The following CEP192 variants were observed in gnomAD, a reference collection of about 807,000 sequenced individuals.
CEP192 encodes centrosomal protein of 192 kDa.
Under a neutral mutation model 271.8 loss-of-function variants are expected in CEP192, and 151 were observed. The ratio of observed to expected loss-of-function variants is 0.56; its 90% CI spans 0.49 to 0.64. CEP192 has a LOEUF of 0.64. Among genes scored for constraint, CEP192 ranks in the 30% least tolerant of loss-of-function variants. The pLI, the probability that CEP192 is intolerant of heterozygous loss-of-function variation, is 0.00. For synonymous variants in CEP192, 995 were observed against 1,076.5 expected, an observed-to-expected ratio of 0.92 and a Z score of 1.48; for missense variants, 2,910 against 3,020.5, an observed-to-expected ratio of 0.96 and a Z score of 0.86.
intron 21 of CEP192, among the ~76,000 whole-genome samples, chr18:13,060,573 G>C (rs2037354886): frequency 6.6e-6 from 1 of 152,150 alleles, no homozygotes; most frequent in African/African-American, 2.4e-5. Context: ...TCACTGTCCT[G>C]TATACAGTCC....
At chr18:13,021,216 G>A (rs890292369) in intron 9 of CEP192, among the ~76,000 whole-genome samples, 19 of 152,130 alleles carry the variant, frequency 1.2e-4, no homozygotes, top group Non-Finnish European at 2.6e-4. Context: ...TTGTTAATCT[G>A]TGACTTTGTG....
At chr18:13,017,158 T>G (rs1327754122) in intron 6 of CEP192, 30 bp from the exon 7 acceptor site, 9 of 1,515,740 alleles carry the variant, frequency 5.9e-6, no homozygotes, top group African/African-American at 1.4e-5. Context: ...CTTTAAAGCA[T>G]GTCCTGTTTT....
At chr18:13,058,245 A>G (rs1158348257) in intron 20 of CEP192, 1 of 152,344 alleles carries the variant, frequency 6.6e-6, no homozygotes, top group African/African-American at 2.4e-5. Context: ...TACATGATCA[A>G]TTACAGTTGC....
At chr18:13,113,818 T>G in intron 41 of CEP192, 113 bp downstream of exon 41, 1 of 1,021,048 alleles carries the variant, frequency 9.8e-7, no homozygotes. Flanking sequence ...TAATCTTAAT[T>G]TTCTTGTTTG....
chr18:13,067,770 A>T (rs1322608567), intron 21 of CEP192, 61 bp from the exon 22 acceptor site: 2 of 1,422,864 alleles, frequency 1.4e-6, no homozygotes, highest in Admixed American at 3.6e-5. Context: ...TGATATGAAC[A>T]TACATGTTGT....
intron 21 of CEP192, among the ~76,000 whole-genome samples, chr18:13,065,700 G>T (rs2037659771): frequency 6.6e-6 from 1 of 152,096 alleles, no homozygotes; most frequent in African/African-American, 2.4e-5. Context: ...TGCACTCTTT[G>T]GACAGAGTTC....
chr18:13,016,950 A>G (rs763397109), intron 6 of CEP192, among the ~76,000 whole-genome samples: 3 of 152,186 alleles, frequency 2.0e-5, no homozygotes, highest in Non-Finnish European at 4.4e-5. Flanking sequence ...TTTTGATAAC[A>G]TGCCAGGGTC....
intron 30 of CEP192, among the ~76,000 whole-genome samples, chr18:13,085,998 A>G (rs571252962): frequency 1.3e-5 from 2 of 151,890 alleles, no homozygotes; most frequent in African/African-American, 4.8e-5. Flanking sequence ...CAGTATGGCC[A>G]TTTTCTCGAT....
rs762236345 is a variant in CEP192 at position 13,113,653 on chromosome 18, CTCTTAAGGAGCCTCACA to C, written c.7117_7133del (p.Leu2373GlufsTer18). On this transcript the variant is annotated frameshift_variant, in exon 41 of 45. Coordinates refer to ENST00000506447, the MANE Select transcript of CEP192 (RefSeq NM_032142.4). LOFTEE classifies it high-confidence loss of function. ...CAGTTTTGGGATGTTGAATGTCACC[CTCTTAAGGAGCCTCACA>C]TGAAACACACGTTGAGATTCCAACT... is the stretch of plus-strand genomic sequence containing the variant. 1.9e-6 allele frequency: 3 copies of C among 1,613,438 alleles called. No homozygotes were observed. Among genetic ancestry groups the C allele is most frequent in the Admixed American group, 1.7e-5 (1 of 59,956 alleles).
intron 30 of CEP192, among the ~76,000 whole-genome samples, chr18:13,079,323 C>T (rs532948648): frequency 1.1e-4 from 16 of 152,358 alleles, no homozygotes; most frequent in African/African-American, 3.8e-4. Flanking sequence ...TTAATGATCA[C>T]CATTCTGACT....
In CEP192 at chr18:13,017,112, C is replaced by T. The variant is rs570097247; in HGVS notation, c.641-76C>T. 2.2e-5 allele frequency: 26 copies of T among 1,170,710 alleles called. No homozygotes were observed. The East Asian group carries it at 2.9e-4, about 13-fold the overall frequency. The allele number at this position is 1,170,710 out of a possible 1,614,324, so 72.5% of individuals were successfully genotyped here. On this transcript the variant is annotated intron_variant, in intron 6 of 44. Transcript: ENST00000506447. ...GTCCATTGACTCATTTATGTCTTAT[C>T]GGCCTTTTTAATTACAAATTATTGC...
chr18:13,007,391 G>A (rs144118569), intron 3 of CEP192, among the ~76,000 whole-genome samples: 1 of 152,050 alleles, frequency 6.6e-6, no homozygotes, highest in Non-Finnish European at 1.5e-5. Context: ...GGTGAATGTC[G>A]AGTGCCCTGC....
chr18:13,049,027 A>G lies in CEP192; in HGVS notation c.2236A>G (p.Arg746Gly). ...AMIKALSNKTRDKTFQEDEKQ... is the reference protein window; with the variant it reads ...AMIKALSNKTGDKTFQEDEKQ... ...GATCAAGGCACTTTCAAATAAAACC[A>G]GAGACAAGACTTTTCAGGAAGATGA... Residue 746 changes from arginine to glycine, a missense_variant, in exon 16 of 45, where the codon AGA becomes GGA. Coordinates refer to ENST00000506447, the MANE Select transcript of CEP192 (RefSeq NM_032142.4). 1.9e-6 allele frequency: 3 copies of G among 1,614,184 alleles called. No individual in the cohort carries two copies. Among genetic ancestry groups the G allele is most frequent in the Non-Finnish European group, 2.5e-6 (3 of 1,180,032 alleles).
chr18:13,031,237 A>ATT (rs2035603624), intron 11 of CEP192, among the ~76,000 whole-genome samples: 1 of 123,170 alleles, frequency 8.1e-6, no homozygotes, highest in Admixed American at 8.3e-5. Flanking sequence ...GCCTGGCCTT[A>ATT]TTGTTGTTTT....
intron 30 of CEP192, among the ~76,000 whole-genome samples, chr18:13,075,592 C>T (rs1038338779): frequency 2.0e-5 from 3 of 152,016 alleles, no homozygotes; most frequent in Admixed American, 2.0e-4. Context: ...GAGCAGCCCT[C>T]ACCAGAAACC....
chr18:13,064,184 T>C (rs940745012), intron 21 of CEP192, among the ~76,000 whole-genome samples: 2 of 152,182 alleles, frequency 1.3e-5, no homozygotes, highest in African/African-American at 4.8e-5. Flanking sequence ...TCCATTTTGA[T>C]TTGATTTTTA....
At chr18:13,083,654 T>A (rs1415592337) in intron 30 of CEP192, among the ~76,000 whole-genome samples, 1 of 152,240 alleles carries the variant, frequency 6.6e-6, no homozygotes, top group Non-Finnish European at 1.5e-5. Context: ...AGCTTTGTTC[T>A]GTTGCTGGTG....
At chr18:13,011,042 C>T (rs1376763585) in intron 4 of CEP192, among the ~76,000 whole-genome samples, 2 of 151,888 alleles carry the variant, frequency 1.3e-5, no homozygotes, top group Non-Finnish European at 1.5e-5. Flanking sequence ...GCCTGGCCAA[C>T]ATGGTGAACC....
At chr18:13,030,376 A>G in intron 10 of CEP192, 89 bp from the exon 11 acceptor site, 1 of 1,112,736 alleles carries the variant, frequency 9.0e-7, no homozygotes, top group Non-Finnish European at 1.3e-6. Context: ...TAACTAAGGT[A>G]GTCATCTGAA....
Sources: gnomAD v4.1 joint callset for allele counts (sites outside exome capture counted in the v4.1 genomes callset) on GRCh38, gnomAD v4.1.1 for gene constraint, MANE v1.5 for transcripts, NCBI Gene and HGNC (gene_info 2026-07-23, HGNC 2026-07-21) for gene names.